Variants in KIF26B observed in about 807,000 individuals in gnomAD.
KIF26B encodes kinesin-like protein KIF26B.
KIF26B carries 63 observed loss-of-function variants against 151.2 expected under a neutral mutation model. The ratio of observed to expected loss-of-function variants is 0.42; its 90% CI spans 0.34 to 0.51. The LOEUF (loss-of-function observed/expected upper bound fraction) is 0.51. Among genes scored for constraint, KIF26B ranks in the 20% least tolerant of loss-of-function variants. The pLI is 0.07. For missense variants in KIF26B, 2,813 were observed against 2,913.6 expected, an observed-to-expected ratio of 0.97 and a Z score of 0.79; for synonymous variants, 1,357 against 1,262.1, an observed-to-expected ratio of 1.08 and a Z score of -1.59.
chr1:245,284,713 T>C lies in KIF26B; in HGVS notation c.466-82121T>C, dbSNP rs115019655. 5.9e-3 allele frequency among the ~76,000 whole-genome samples: 896 copies of C among 152,230 alleles called. 8 individuals are homozygous for C. Among genetic ancestry groups the C allele is most frequent in the African/African-American group, 0.02 (842 of 41,542 alleles). ...TTGGTTATCTTTTGCCCTAATGTGG[T>C]GTAACAAGTCACCACAAAACTTAGT... On this transcript the variant is annotated intron_variant, in intron 2 of 14. Coordinates refer to ENST00000407071, the MANE Select transcript of KIF26B (RefSeq NM_018012.4).
intron 4 of KIF26B, among the ~76,000 whole-genome samples, chr1:245,432,340 G>GA (rs1177330085): frequency 6.6e-6 from 1 of 152,088 alleles, no homozygotes; most frequent in African/African-American, 2.4e-5. Flanking sequence ...AACAAAGCAT[G>GA]AAAAAAAGCA....
Position 245,704,059 on chromosome 1 carries a change from T to TTGAC in KIF26B, c.*1456_*1457insCTGA, listed in dbSNP as rs2044809302. On this transcript the variant is annotated 3_prime_UTR_variant, in exon 15 of 15. Transcript: ENST00000407071. Reference sequence around the variant, plus strand: ...GGAATTATGATACCCATTTTAGTGATTGATAGAAACCTGGGGTACAGAGTG... The same window carrying TTGAC: ...GGAATTATGATACCCATTTTAGTGATTGACTGATAGAAACCTGGGGTACAGAGTG... 6.6e-6 allele frequency: 1 copy of TTGAC among 151,860 alleles called. No individual in the cohort carries two copies. The highest frequency in any genetic ancestry group is 2.4e-5 in the African/African-American group (1 of 41,268). The allele number at this position is 151,860 out of a possible 1,614,324, so 9.4% of individuals were successfully genotyped here.
At chr1:245,621,825 C>A (rs1256379485) in intron 9 of KIF26B, among the ~76,000 whole-genome samples, 4 of 152,234 alleles carry the variant, frequency 2.6e-5, no homozygotes, top group African/African-American at 9.6e-5. Flanking sequence ...TACGGCAACT[C>A]CAATAGGCAC....
chr1:245,691,245 G>A (rs2044622706), intron 12 of KIF26B, among the ~76,000 whole-genome samples: 1 of 152,248 alleles, frequency 6.6e-6, no homozygotes, highest in Non-Finnish European at 1.5e-5. Context: ...CGTGTGAAGT[G>A]ACTGCTTGGC....
intron 2 of KIF26B, among the ~76,000 whole-genome samples, chr1:245,267,682 A>G (rs2102961398): frequency 1.4e-5 from 2 of 146,250 alleles, no homozygotes; most frequent in South Asian, 4.4e-4. Context: ...ACACACACAC[A>G]CAAAAGGAGA....
intron 5 of KIF26B, among the ~76,000 whole-genome samples, chr1:245,559,839 C>T (rs563093822): frequency 6.6e-6 from 1 of 152,140 alleles, no homozygotes; most frequent in African/African-American, 2.4e-5. Flanking sequence ...AGCCACCACA[C>T]CCAGCCTAAC....
chr1:245,321,206 C>T (rs945165957), intron 2 of KIF26B, among the ~76,000 whole-genome samples: 16 of 152,218 alleles, frequency 1.1e-4, no homozygotes, highest in South Asian at 1.0e-3. Context: ...TTTCTGTCTG[C>T]ACAGTTGTGC....
intron 5 of KIF26B, among the ~76,000 whole-genome samples, chr1:245,588,005 T>G (rs756633101): frequency 6.6e-6 from 1 of 152,218 alleles, no homozygotes; most frequent in African/African-American, 2.4e-5. Flanking sequence ...TGCAGGAGTC[T>G]GCCTTATTGA....
At chr1:245,459,619 C>T (rs540200771) in intron 4 of KIF26B, among the ~76,000 whole-genome samples, 21 of 152,216 alleles carry the variant, frequency 1.4e-4, no homozygotes, top group African/African-American at 2.4e-4. Flanking sequence ...GTGGGATGTG[C>T]GGGTGGTATG....
At chr1:245,270,655 G>T (rs758512066) in intron 2 of KIF26B, among the ~76,000 whole-genome samples, 6 of 152,014 alleles carry the variant, frequency 3.9e-5, no homozygotes, top group Non-Finnish European at 7.4e-5. Flanking sequence ...GGAATTCCTT[G>T]TATATTTTAG....
chr1:245,378,560 C>A (rs945670726), intron 3 of KIF26B, among the ~76,000 whole-genome samples: 1 of 152,220 alleles, frequency 6.6e-6, no homozygotes, highest in African/African-American at 2.4e-5. Context: ...CTCCCCAGAC[C>A]TTGTTCCCTC....
At chr1:245,279,081 G>A (rs1377361277) in intron 2 of KIF26B, among the ~76,000 whole-genome samples, 1 of 152,148 alleles carries the variant, frequency 6.6e-6, no homozygotes, top group Non-Finnish European at 1.5e-5. Context: ...CCTCTTGAAG[G>A]AGATGGGGAA....
chr1:245,263,678 A>G (rs1259070967), intron 2 of KIF26B, among the ~76,000 whole-genome samples: 1 of 152,188 alleles, frequency 6.6e-6, no homozygotes, highest in Non-Finnish European at 1.5e-5. Context: ...CCCTTGGGAG[A>G]CATGGGACTT....
At chr1:245,165,468 C>A (rs993674584) in intron 2 of KIF26B, among the ~76,000 whole-genome samples, 8 of 152,110 alleles carry the variant, frequency 5.3e-5, no homozygotes, top group Non-Finnish European at 8.8e-5. Context: ...GTGGAATGGT[C>A]CAATGGGCTC....
At position 245,167,535 on chromosome 1, in the gene KIF26B, T is replaced by G. The variant is rs1668634827; in HGVS notation, c.465+10852T>G. ...GTGGCTTCACACAAGAATGGGAGAC[T>G]CACCTATTAACTGATTAGAAGCCAG... On this transcript the variant is annotated intron_variant, in intron 2 of 14. Transcript: ENST00000407071. The surrounding 1 kb of genome is among the most constrained non-coding windows in gnomAD (Gnocchi z 4.2). Among the ~76,000 whole-genome samples, 1 of 152,146 alleles carries G rather than the reference T, an allele frequency of 6.6e-6. No individual in the cohort carries two copies. The highest frequency in any genetic ancestry group is 2.1e-4 in the South Asian group (1 of 4,828).
chr1:245,498,528 G>T lies in KIF26B; in HGVS notation c.1167-42239G>T, dbSNP rs375683077. 7.2e-5 allele frequency among the ~76,000 whole-genome samples: 11 copies of T among 152,298 alleles called. No homozygotes were observed. In the East Asian group the frequency reaches 1.5e-3, roughly 21 times the overall value. ...GAGCCCAGCAGTTGGCAATCAGAGC[G>T]TGCATATAAGCAAAGGGATCATTTC... On this transcript the variant is annotated intron_variant, in intron 4 of 14. Transcript: ENST00000407071.
intron 9 of KIF26B, among the ~76,000 whole-genome samples, chr1:245,632,060 ATTCT>A (rs1365425167): frequency 2.6e-5 from 4 of 151,622 alleles, no homozygotes; most frequent in East Asian, 1.9e-4. Context: ...TCTGATCTTT[ATTCT>A]TTCTTCTGAT....
intron 2 of KIF26B, among the ~76,000 whole-genome samples, chr1:245,326,212 G>C (rs1393503723): frequency 6.6e-6 from 1 of 152,106 alleles, no homozygotes; most frequent in East Asian, 1.9e-4. Flanking sequence ...TAAACCAAAG[G>C]CCTCAAGCAG....
chr1:245,626,969 C>A (rs1486518082), intron 9 of KIF26B, among the ~76,000 whole-genome samples: 2 of 152,134 alleles, frequency 1.3e-5, no homozygotes, highest in Non-Finnish European at 2.9e-5. Flanking sequence ...GTTTTCCCAG[C>A]ACCATTTATT....
Sources: gnomAD v4.1 joint callset for allele counts (sites outside exome capture counted in the v4.1 genomes callset) on GRCh38, gnomAD v4.1.1 for gene constraint, Gnocchi (gnomAD v3.1) non-coding constraint, MANE v1.5 for transcripts, NCBI Gene and HGNC (gene_info 2026-07-23, HGNC 2026-07-21) for gene names.